The following TNS4 variants were observed in gnomAD, a reference collection of about 807,000 sequenced individuals.
TNS4 encodes tensin 4.
Under a neutral mutation model 70.4 loss-of-function variants are expected in TNS4, and 46 were observed. That is an observed-to-expected ratio of 0.65 (90% CI 0.52 to 0.84). The LOEUF (loss-of-function observed/expected upper bound fraction) is 0.84, where lower values mean the gene tolerates loss of function less well. Among genes scored for constraint, TNS4 ranks in the 40% least tolerant of loss-of-function variants. The probability of loss-of-function intolerance (pLI) is 0.00; values close to 1 mark genes in which losing one functional copy is unlikely to be tolerated. For synonymous variants in TNS4, 390 were observed against 366.6 expected, an observed-to-expected ratio of 1.06 and a Z score of -0.73; for missense variants, 863 against 907.0, an observed-to-expected ratio of 0.95 and a Z score of 0.62.
At chr17:40,484,392 A>G in intron 6 of TNS4, 92 bp downstream of exon 6, 4 of 1,544,232 alleles carry the variant, frequency 2.6e-6, no homozygotes, top group Middle Eastern at 3.7e-4. Context: ...GCGCCATGTC[A>G]CCCTGAAAGC....
At chr17:40,481,305 ATCTAGAACCCTCGT>A (rs1195638701) in intron 8 of TNS4, among the ~76,000 whole-genome samples, 1 of 152,056 alleles carries the variant, frequency 6.6e-6, no homozygotes, top group Non-Finnish European at 1.5e-5. Context: ...ATTACGTAAC[ATCTAGAACCCTCGT>A]TTTCTTTTCC....
At chr17:40,483,678 C>G (rs371441346) in intron 6 of TNS4, among the ~76,000 whole-genome samples, 114 of 152,282 alleles carry the variant, frequency 7.5e-4, no homozygotes, top group Middle Eastern at 3.4e-3. Context: ...GGCTCATTGC[C>G]TCTTGCAAGG....
At chr17:40,498,809 A>G (rs1175035031) in intron 1 of TNS4, among the ~76,000 whole-genome samples, 1 of 152,128 alleles carries the variant, frequency 6.6e-6, no homozygotes, top group Admixed American at 6.5e-5. Flanking sequence ...TCGGCCTCCC[A>G]AAGTGCTAGG....
chr17:40,486,288 A>C (rs1336427767), intron 4 of TNS4, among the ~76,000 whole-genome samples: 2 of 152,226 alleles, frequency 1.3e-5, no homozygotes, highest in East Asian at 3.9e-4. Context: ...TGTTCTCATC[A>C]TCTGCGAACG....
intron 8 of TNS4, 81 bp from the exon 9 acceptor site, chr17:40,480,849 G>T: frequency 1.4e-6 from 2 of 1,467,768 alleles, no homozygotes; most frequent in Non-Finnish European, 1.9e-6. Context: ...CAGGCCTCAT[G>T]AATCCCTTTG....
At position 40,496,464 on chromosome 17, in the gene TNS4, C is replaced by T; in HGVS notation, c.-39G>A. ...ACCTCTGCAGTTTACCTCTGGTCTT[C>T]AACCAGCCTCACTGACATCCCAGAG... On this transcript the variant is annotated 5_prime_UTR_variant, in exon 2 of 13. Transcript: ENST00000254051. The T allele has an allele frequency of 1.3e-6, 2 of 1,574,348 alleles. No homozygotes were observed. Among genetic ancestry groups the T allele is most frequent in the Non-Finnish European group, 1.7e-6 (2 of 1,163,432 alleles).
At chr17:40,498,847 C>A (rs1195266468) in intron 1 of TNS4, among the ~76,000 whole-genome samples, 1 of 152,030 alleles carries the variant, frequency 6.6e-6, no homozygotes, top group East Asian at 1.9e-4. Flanking sequence ...CTGTGCCTGG[C>A]CTTATTTATT....
chr17:40,478,567 G>A lies in TNS4; in HGVS notation c.1979+13C>T, dbSNP rs1197642521. Reference sequence around the variant, plus strand: ...TGGACAGCCTTCTTAGTTTGGCCCAGCCTTGAACTTACTTCCGTTGCTCAG... The same window carrying A: ...TGGACAGCCTTCTTAGTTTGGCCCAACCTTGAACTTACTTCCGTTGCTCAG... On this transcript the variant is annotated intron_variant, in intron 11 of 12. Coordinates refer to ENST00000254051, the MANE Select transcript of TNS4 (RefSeq NM_032865.6). 1.9e-6 allele frequency: 3 copies of A among 1,613,960 alleles called. No homozygotes were observed. The highest frequency in any genetic ancestry group is 2.7e-5 in the African/African-American group (2 of 74,944).
intron 6 of TNS4, among the ~76,000 whole-genome samples, chr17:40,483,094 C>T (rs944737417): frequency 5.3e-5 from 8 of 151,968 alleles, no homozygotes; most frequent in South Asian, 2.1e-4. Context: ...GGACTACAGG[C>T]GTGCCCCACC....
In TNS4 at chr17:40,495,577, A is replaced by G. The variant is rs546195137; in HGVS notation, c.439+410T>C. Among the ~76,000 whole-genome samples the G allele has an allele frequency of 8.5e-4, 130 of 152,252 alleles. 1 individual carries two copies. The highest frequency in any genetic ancestry group is 5.2e-3 in the East Asian group (27 of 5,182). ...AAGATACTCCCCTAAACAAGGACAG[A>G]GGTCCCAATAGCAATCCTACCAAAA... On this transcript the variant is annotated intron_variant, in intron 2 of 12. Coordinates refer to ENST00000254051, the MANE Select transcript of TNS4 (RefSeq NM_032865.6).
chr17:40,484,641 C>T (rs754149700), intron 5 of TNS4, 32 bp from the exon 6 acceptor site: 13 of 1,608,734 alleles, frequency 8.1e-6, no homozygotes, highest in African/African-American at 1.3e-5. Context: ...AGATGGACAC[C>T]GCCCCACCTG....
chr17:40,480,967 AC>A, intron 8 of TNS4, 199 bp from the exon 9 acceptor site: 1 of 592,494 alleles, frequency 1.7e-6, no homozygotes, highest in South Asian at 2.2e-5. Flanking sequence ...TTAGTTTGCA[AC>A]CCTTTTGATC....
intron 9 of TNS4, among the ~76,000 whole-genome samples, chr17:40,480,363 A>G (rs531441661): frequency 6.6e-6 from 1 of 152,104 alleles, no homozygotes; most frequent in African/African-American, 2.4e-5. Flanking sequence ...CCCATAGAGG[A>G]TCCCAGACCC....
intron 8 of TNS4, among the ~76,000 whole-genome samples, chr17:40,481,189 CCT>C: frequency 6.6e-6 from 1 of 152,270 alleles, no homozygotes; most frequent in East Asian, 1.9e-4. Context: ...CCTGCACACC[CCT>C]GAGATGATCT....
At position 40,478,330 on chromosome 17, in the gene TNS4, C is replaced by A. The variant is rs1393994213; in HGVS notation, c.1983G>T (p.Trp661Cys). The change falls in exon 12 of 13, where the codon TGG (tryptophan) becomes TGT (cysteine). Residue 661 changes from tryptophan (W) to cysteine (C), a missense_variant. Coordinates refer to ENST00000254051, the MANE Select transcript of TNS4 (RefSeq NM_032865.6). ...ACCAGGAGGGTTTGCAGTACTTCTGCCACCTGTAGGAAAAGAACATGATAC... is the reference window on the plus strand; with the variant it reads ...ACCAGGAGGGTTTGCAGTACTTCTGACACCTGTAGGAAAAGAACATGATAC... ...FCGMDPEQRK[W>C]QKYCKPSWIF... is the part of the protein sequence containing the mutation. 3 of 1,609,878 alleles carry A rather than the reference C, an allele frequency of 1.9e-6. No individual in the cohort carries two copies. The East Asian group carries it at 6.7e-5, about 36-fold the overall frequency.
intron 1 of TNS4, among the ~76,000 whole-genome samples, 173 bp downstream of exon 1, chr17:40,501,361 C>T (rs1348201226): frequency 1.4e-5 from 2 of 147,278 alleles, no homozygotes; most frequent in Non-Finnish European, 3.0e-5. Context: ...GCAGGAGAAT[C>T]GCTTGAACCC....
chr17:40,484,547 G>A lies in TNS4; in HGVS notation c.1438C>T (p.Arg480Ter), dbSNP rs746526282. The A allele has an allele frequency of 6.2e-6, 10 of 1,612,740 alleles. No individual in the cohort carries two copies. Among genetic ancestry groups the A allele is most frequent in the Non-Finnish European group, 3.4e-6 (4 of 1,179,998 alleles). Residue 480 changes from arginine (R) to a stop codon, truncating the protein, a stop_gained, in exon 6 of 13, where the codon CGA becomes TGA. Transcript: ENST00000254051. LOFTEE classifies it high-confidence loss of function. ...TTCAGGGCCAGGCCGAAGGAGCCTC[G>A]GTATGAAGAGCTGTCCCTTATGACA... is the stretch of plus-strand genomic sequence containing the variant. ...AFVIRDSSSYRGSFGLALKVQ... is the reference protein window; with the variant it reads ...AFVIRDSSSY
At chr17:40,497,011 GT>G (rs2036154521) in intron 1 of TNS4, among the ~76,000 whole-genome samples, 1 of 152,176 alleles carries the variant, frequency 6.6e-6, no homozygotes, top group African/African-American at 2.4e-5. Flanking sequence ...GCACAGAGAG[GT>G]AGGTAACTTG....
intron 12 of TNS4, 106 bp from the exon 13 acceptor site, chr17:40,477,835 C>T: frequency 9.0e-7 from 1 of 1,105,324 alleles, no homozygotes; most frequent in Non-Finnish European, 1.3e-6. Flanking sequence ...TTCCTCCCTG[C>T]CCCTCCCTTA....
Sources: allele counts gnomAD v4.1 joint callset (sites outside exome capture counted in the v4.1 genomes callset), GRCh38; gene constraint gnomAD v4.1.1; transcripts MANE v1.5; gene names NCBI Gene and HGNC (gene_info 2026-07-23, HGNC 2026-07-21).